Variants in PEX5 observed in about 807,000 individuals in gnomAD.
PEX5 encodes PTS1 receptor.
PEX5 carries 52 observed loss-of-function variants against 82.9 expected under a neutral mutation model. That is an observed-to-expected ratio of 0.63 (90% CI 0.50 to 0.79). The LOEUF (loss-of-function observed/expected upper bound fraction) is 0.79, where lower values mean the gene tolerates loss of function less well. PEX5 is among the 30% of genes least tolerant of loss of function. The pLI, the probability that PEX5 is intolerant of heterozygous loss-of-function variation, is 0.00. For synonymous variants in PEX5, 300 were observed against 318.8 expected, an observed-to-expected ratio of 0.94 and a Z score of 0.63; for missense variants, 719 against 815.2, an observed-to-expected ratio of 0.88 and a Z score of 1.44.
Position 7,201,824 on chromosome 12 carries a change from A to G in PEX5, c.625A>G (p.Lys209Glu). The G allele has an allele frequency of 6.2e-7, 1 of 1,613,402 alleles. No homozygotes were observed. The highest frequency in any genetic ancestry group is 8.5e-7 in the Non-Finnish European group (1 of 1,179,352). Residue 209 changes from lysine (K) to glutamate (E), a missense_variant, in exon 7 of 16, where the codon AAA (lysine) becomes GAA (glutamate). Transcript: ENST00000675855. ...SDFVAKVDDP[K>E]LANSEFLKFV... ...CTTTGTGGCCAAAGTGGATGACCCC[A>G]AATTGGCTAATTCTGAGGTGAGCCA... is the stretch of plus-strand genomic sequence containing the variant.
intron 5 of PEX5, 142 bp downstream of exon 5, chr12:7,191,842 C>A: frequency 1.3e-6 from 1 of 775,898 alleles, no homozygotes; most frequent in South Asian, 1.4e-5. Flanking sequence ...AACTCAATTT[C>A]CCTTAGGTGA....
At chr12:7,208,765 G>C in intron 13 of PEX5, 96 bp downstream of exon 13, 1 of 1,076,670 alleles carries the variant, frequency 9.3e-7, no homozygotes, top group South Asian at 1.3e-5. Context: ...GATTGAGACT[G>C]AAGGGTCCTG....
At chr12:7,201,214 C>T (rs1316733664) in intron 6 of PEX5, among the ~76,000 whole-genome samples, 3 of 152,114 alleles carry the variant, frequency 2.0e-5, no homozygotes, top group Non-Finnish European at 4.4e-5. Context: ...TGTGCACATA[C>T]ATGTATATAC....
rs773283128 is a variant in PEX5 at position 7,206,019 on chromosome 12, ATTAC to A, written c.967-1637_967-1634del. 1.8e-4 allele frequency among the ~76,000 whole-genome samples: 28 copies of A among 152,330 alleles called. No homozygotes were observed. The East Asian group carries it at 4.6e-3, about 25-fold the overall frequency. The stretch of plus-strand genomic sequence containing the variant: ...TTCTCAATGGCTCTGAGAGGCAGGA[ATTAC>A]TTTTATTAGGAAACTGCATTATAGA... On this transcript the variant is annotated intron_variant, in intron 10 of 15. Coordinates refer to ENST00000675855, the MANE Select transcript of PEX5 (RefSeq NM_001351132.2).
chr12:7,191,310 G>A lies in PEX5; in HGVS notation c.268G>A (p.Glu90Lys), dbSNP rs1941068806. 6.2e-7 allele frequency: 1 copy of A among 1,614,194 alleles called. No homozygotes were observed. The highest frequency in any genetic ancestry group is 8.5e-7 in the Non-Finnish European group (1 of 1,180,036). ...CTTCAAGATGGATGACCTCCTGGCT[G>A]AGATGCAGCAGATTGAGCAGTCAAA... Reference protein sequence around the residue: ...QTFKMDDLLAEMQQIEQSNFR... With the variant: ...QTFKMDDLLAKMQQIEQSNFR... The change falls in exon 4 of 16, where the codon GAG becomes AAG. Residue 90 changes from glutamate to lysine, a missense_variant. Transcript: ENST00000675855.
At chr12:7,216,531 G>T (rs1945785430) in intron 17 of PEX5, among the ~76,000 whole-genome samples, 1 of 152,042 alleles carries the variant, frequency 6.6e-6, no homozygotes, top group South Asian at 2.1e-4. Context: ...TTACTTTGGA[G>T]TAAAATTGAA....
chr12:7,191,485 T>C, intron 4 of PEX5, 84 bp from the exon 5 acceptor site: 1 of 1,597,978 alleles, frequency 6.3e-7, no homozygotes, highest in Non-Finnish European at 8.6e-7. Context: ...TAACAGAGTG[T>C]TTTCACGTGG....
At chr12:7,202,823 G>A (rs1944272831) in intron 9 of PEX5, 119 bp downstream of exon 9, 1 of 813,378 alleles carries the variant, frequency 1.2e-6, no homozygotes, top group African/African-American at 1.7e-5. Context: ...GATCATCTGT[G>A]TCAGAGTTGC....
chr12:7,193,234 CT>C (rs11339507), intron 5 of PEX5, among the ~76,000 whole-genome samples: 61,115 of 120,986 alleles, frequency 0.51, 15,415 homozygotes, highest in Admixed American at 0.63. Context: ...TCTTGAGATT[CT>C]TTTTTTTTTT....
Position 7,211,163 on chromosome 12 carries a change from C to G in PEX5, c.*940C>G, listed in dbSNP as rs1227128867. 1 of 152,606 alleles carries G rather than the reference C, an allele frequency of 6.6e-6. No homozygotes were observed. The highest frequency in any genetic ancestry group is 1.5e-5 in the Non-Finnish European group (1 of 68,048). 9.5% of individuals were successfully genotyped at this position (152,606 alleles called of 1,614,324 possible). ...GGTTCAGTGTTACCATAAGCCTTTG[C>G]TGTACTTCTTGAAATGTTTCTAGGG... On this transcript the variant is annotated 3_prime_UTR_variant, in exon 16 of 16. Coordinates refer to ENST00000675855, the MANE Select transcript of PEX5 (RefSeq NM_001351132.2).
intron 5 of PEX5, among the ~76,000 whole-genome samples, chr12:7,197,557 A>ATGTAAT (rs1301852396): frequency 7.3e-6 from 1 of 137,378 alleles, no homozygotes; most frequent in African/African-American, 2.6e-5. Context: ...GTTATATATA[A>ATGTAAT]TATAATAAGT....
intron 5 of PEX5, among the ~76,000 whole-genome samples, chr12:7,196,233 T>G (rs1342131173): frequency 1.6e-4 from 6 of 36,678 alleles, no homozygotes; most frequent in African/African-American, 2.3e-4. Context: ...CATATATAAT[T>G]TAATTATATG....
chr12:7,203,806 C>T (rs746969240), intron 10 of PEX5, among the ~76,000 whole-genome samples: 1 of 152,294 alleles, frequency 6.6e-6, no homozygotes, highest in African/African-American at 2.4e-5. Context: ...GAGGTTTGCA[C>T]ATGCTTGCTG....
intron 6 of PEX5, among the ~76,000 whole-genome samples, chr12:7,199,988 T>A (rs1943514924): frequency 1.0e-5 from 1 of 97,630 alleles, no homozygotes. Flanking sequence ...ACCCCCCGCC[T>A]CCCTCCCGGA....
At chr12:7,205,418 T>A (rs1416855966) in intron 10 of PEX5, among the ~76,000 whole-genome samples, 2 of 152,252 alleles carry the variant, frequency 1.3e-5, no homozygotes, top group Non-Finnish European at 2.9e-5. Context: ...ATGCACTGTT[T>A]GTTTATTGAT....
intron 17 of PEX5, among the ~76,000 whole-genome samples, chr12:7,218,058 A>G (rs1442549457): frequency 6.6e-6 from 1 of 152,164 alleles, no homozygotes; most frequent in Non-Finnish European, 1.5e-5. Context: ...TCAACCCTGA[A>G]TCAAGGGTGT....
intron 3 of PEX5, 71 bp from the exon 4 acceptor site, chr12:7,191,155 T>A: frequency 6.4e-7 from 1 of 1,554,858 alleles, no homozygotes; most frequent in African/African-American, 1.4e-5. Flanking sequence ...GGGATCCCCC[T>A]CCAGTGGGTC....
downstream of PEX5, among the ~76,000 whole-genome samples, chr12:7,215,934 A>T (rs560462058): frequency 1.3e-5 from 2 of 151,772 alleles, no homozygotes; most frequent in Non-Finnish European, 2.9e-5. Flanking sequence ...GATTTAAATT[A>T]TTTGTAATCA....
rs762893506 is a variant in PEX5, at chr12:7,201,742, C to A, written c.552-9C>A. The A allele has an allele frequency of 3.1e-6, 5 of 1,604,596 alleles. No homozygotes were observed. The Admixed American group carries it at 5.0e-5, about 16-fold the overall frequency. ...ACTAATGTGTAAAATTAGTTCTTACCCGTTCCAGGTATGATGAATATCATC... is the reference window on the plus strand; with the variant it reads ...ACTAATGTGTAAAATTAGTTCTTACACGTTCCAGGTATGATGAATATCATC... On this transcript the variant is annotated splice_polypyrimidine_tract_variant and intron_variant, in intron 6 of 15. Transcript: ENST00000675855.
Sources: allele counts gnomAD v4.1 joint callset (sites outside exome capture counted in the v4.1 genomes callset), GRCh38; gene constraint gnomAD v4.1.1; transcripts MANE v1.5; gene names NCBI Gene and HGNC (gene_info 2026-07-23, HGNC 2026-07-21).